The following SMYD2 variants were observed in gnomAD, a reference collection of about 807,000 sequenced individuals.
SMYD2 encodes the protein SET and MYND domain containing 2.
A neutral mutation model predicts 59.1 loss-of-function variants in SMYD2; 53 were observed. The observed-to-expected ratio is 0.90, with a 90% CI of 0.72 to 1.13. The LOEUF (loss-of-function observed/expected upper bound fraction) is 1.13, where lower values mean the gene tolerates loss of function less well. SMYD2 is among the 50% of genes most tolerant of loss of function. SMYD2 has a pLI of 0.00. For synonymous variants in SMYD2, 208 were observed against 198.8 expected (o/e 1.05, Z -0.39); for missense variants, 494 against 544.7 (o/e 0.91, Z 0.93).
At chr1:214,309,843 C>T (rs188564732) in intron 2 of SMYD2, among the ~76,000 whole-genome samples, 1 of 152,290 alleles carries the variant, frequency 6.6e-6, no homozygotes, top group African/African-American at 2.4e-5. Flanking sequence ...AAACACAAAG[C>T]ATATGTCCTA....
chr1:214,320,173 G>T (rs940810667), intron 5 of SMYD2, among the ~76,000 whole-genome samples: 2 of 152,172 alleles, frequency 1.3e-5, no homozygotes, highest in African/African-American at 4.8e-5. Context: ...GTGATGGAAG[G>T]TTACATAACC....
chr1:214,334,421 C>T (rs1558059318), intron 11 of SMYD2, 113 bp downstream of exon 11: 2 of 958,452 alleles, frequency 2.1e-6, no homozygotes, highest in East Asian at 4.9e-5. Context: ...GAGCAGCTCT[C>T]ACCCACCCTC....
At chr1:214,293,935 C>T (rs1038622488) in intron 1 of SMYD2, among the ~76,000 whole-genome samples, 1 of 151,954 alleles carries the variant, frequency 6.6e-6, no homozygotes, top group Non-Finnish European at 1.5e-5. Flanking sequence ...CTCGGCCTCC[C>T]AAAGTGCTGG....
rs1045665786 is a variant in SMYD2 at position 214,281,536 on chromosome 1, C to A, written c.173+109C>A. Reference sequence around the variant, plus strand: ...CGGCTCGCGGGGTCCTAGCGCCGGCCCTTGGGGCGGGGTGGGGGGCGGGGA... The same window carrying A: ...CGGCTCGCGGGGTCCTAGCGCCGGCACTTGGGGCGGGGTGGGGGGCGGGGA... On this transcript the variant is annotated intron_variant, in intron 1 of 11. Coordinates refer to ENST00000366957, the MANE Select transcript of SMYD2 (RefSeq NM_020197.3). The A allele has an allele frequency of 3.3e-5, 35 of 1,071,192 alleles. No individual in the cohort carries two copies. The Admixed American group carries it at 1.4e-3, about 44-fold the overall frequency. The allele number at this position is 1,071,192 out of a possible 1,614,324, so 66.4% of individuals were successfully genotyped here. A position where few individuals can be genotyped will look rare whatever the true frequency, so the allele number is the denominator to read the frequency against.
At chr1:214,299,482 T>TATATATACAC (rs751839365) in intron 1 of SMYD2, among the ~76,000 whole-genome samples, 2,691 of 45,872 alleles carry the variant, frequency 0.059, 110 homozygotes, top group African/African-American at 0.17. Flanking sequence ...TATATATATA[T>TATATATACAC]ACACCATAGA....
intron 3 of SMYD2, 115 bp from the exon 4 acceptor site, chr1:214,317,964 T>G: frequency 9.9e-7 from 1 of 1,012,982 alleles, no homozygotes; most frequent in Non-Finnish European, 1.5e-6. Context: ...TAGCTTGTTT[T>G]ACTTCCTTAA....
At chr1:214,319,737 C>G (rs1194549399) in intron 5 of SMYD2, among the ~76,000 whole-genome samples, 1 of 152,150 alleles carries the variant, frequency 6.6e-6, no homozygotes, top group Non-Finnish European at 1.5e-5. Context: ...TTGGATTTCT[C>G]TCTCATATGC....
intron 6 of SMYD2, among the ~76,000 whole-genome samples, chr1:214,325,270 TTGACAAA>T (rs1657242835): frequency 6.6e-6 from 1 of 152,246 alleles, no homozygotes; most frequent in Admixed American, 6.5e-5. Context: ...GGCTAGCCAG[TTGACAAA>T]TGGAGATCTT....
intron 1 of SMYD2, among the ~76,000 whole-genome samples, chr1:214,286,312 T>A (rs1231973622): frequency 2.0e-5 from 3 of 151,854 alleles, no homozygotes; most frequent in Non-Finnish European, 4.4e-5. Flanking sequence ...ACAAAAAAAA[T>A]TTTATTTAGT....
chr1:214,320,342 T>C (rs1255593910), intron 5 of SMYD2, among the ~76,000 whole-genome samples: 1 of 152,230 alleles, frequency 6.6e-6, no homozygotes, highest in Non-Finnish European at 1.5e-5. Flanking sequence ...TCTTCCGAGT[T>C]GTGGAAAAAT....
At chr1:214,326,185 C>T (rs1657258160) in intron 6 of SMYD2, among the ~76,000 whole-genome samples, 1 of 148,068 alleles carries the variant, frequency 6.8e-6, no homozygotes, top group Non-Finnish European at 1.5e-5. Context: ...TTGCAGTGAG[C>T]TGAGATCGCG....
chr1:214,329,349 C>T (rs964608332), intron 7 of SMYD2, among the ~76,000 whole-genome samples: 6 of 152,094 alleles, frequency 3.9e-5, no homozygotes, highest in African/African-American at 9.7e-5. Flanking sequence ...GTCACTGGCA[C>T]GCTAGCGGCT....
intron 6 of SMYD2, among the ~76,000 whole-genome samples, chr1:214,325,608 G>A (rs1042828967): frequency 1.4e-4 from 21 of 152,262 alleles, no homozygotes; most frequent in South Asian, 1.2e-3. Flanking sequence ...GACGCTGTGC[G>A]TTGTGTAGGT....
At chr1:214,315,230 T>C (rs1218366628) in intron 3 of SMYD2, among the ~76,000 whole-genome samples, 2 of 152,242 alleles carry the variant, frequency 1.3e-5, no homozygotes, top group Non-Finnish European at 2.9e-5. Flanking sequence ...GATTTTCCTC[T>C]CTTTCCATTC....
intron 10 of SMYD2, chr1:214,333,328 G>A (rs1657386240): frequency 6.6e-6 from 1 of 152,266 alleles, no homozygotes; most frequent in South Asian, 2.1e-4. Context: ...TGCTCTGCTA[G>A]ACCCATCTTT....
chr1:214,284,369 C>G (rs1656499498), intron 1 of SMYD2, among the ~76,000 whole-genome samples: 1 of 142,240 alleles, frequency 7.0e-6, no homozygotes, highest in South Asian at 2.3e-4. Context: ...CAAGCAATTC[C>G]TCTGCCTCAG....
chr1:214,303,505 C>T (rs529318441), intron 1 of SMYD2, among the ~76,000 whole-genome samples: 3 of 152,276 alleles, frequency 2.0e-5, no homozygotes, highest in African/African-American at 4.8e-5. Flanking sequence ...GCTAAATTAG[C>T]GGGTTCCTTT....
chr1:214,296,806 A>T (rs748422429), intron 1 of SMYD2, among the ~76,000 whole-genome samples: 1 of 152,208 alleles, frequency 6.6e-6, no homozygotes. Context: ...GGGAAGAGTA[A>T]CTCATCATAT....
At chr1:214,294,054 A>G (rs1656681946) in intron 1 of SMYD2, among the ~76,000 whole-genome samples, 1 of 151,886 alleles carries the variant, frequency 6.6e-6, no homozygotes, top group Admixed American at 6.6e-5. Flanking sequence ...AGCAAATAAC[A>G]CTTTTGAATA....
Sources: allele counts gnomAD v4.1 joint callset (sites outside exome capture counted in the v4.1 genomes callset), GRCh38; gene constraint gnomAD v4.1.1; transcripts MANE v1.5; gene names NCBI Gene and HGNC (gene_info 2026-07-23, HGNC 2026-07-21).